ELMOD2: variants seen among roughly 807,000 people sequenced by gnomAD.
ELMOD2 encodes ELMO domain-containing protein 2.
ELMOD2 carries 28 observed loss-of-function variants against 41.0 expected under a neutral mutation model. The observed-to-expected ratio is 0.68, with a 90% CI of 0.51 to 0.94. ELMOD2 has a LOEUF of 0.94. ELMOD2 is among the 40% of genes least tolerant of loss of function. The pLI is 0.00. For missense variants in ELMOD2, 333 were observed against 343.1 expected (o/e 0.97, Z 0.23); for synonymous variants, 106 against 107.2 (o/e 0.99, Z 0.07).
At chr4:140,529,368 T>G (rs566631047) in intron 3 of ELMOD2, among the ~76,000 whole-genome samples, 1 of 152,338 alleles carries the variant, frequency 6.6e-6, no homozygotes, top group African/African-American at 2.4e-5. Context: ...AATGAATTGT[T>G]CTGTGAAATC....
intron 4 of ELMOD2, among the ~76,000 whole-genome samples, chr4:140,536,167 G>C (rs1464509174): frequency 6.6e-6 from 1 of 152,112 alleles, no homozygotes; most frequent in African/African-American, 2.4e-5. Context: ...GTCCTACCAG[G>C]CTCCTCCATT....
chr4:140,537,626 G>C, intron 5 of ELMOD2, 85 bp downstream of exon 5: 2 of 1,523,292 alleles, frequency 1.3e-6, no homozygotes, highest in Non-Finnish European at 1.8e-6. Context: ...GCAAATTCTA[G>C]AGGCTTATAT....
intron 3 of ELMOD2, among the ~76,000 whole-genome samples, chr4:140,531,520 C>T (rs528736350): frequency 1.3e-5 from 2 of 152,214 alleles, no homozygotes; most frequent in South Asian, 2.1e-4. Context: ...GGGAGGAATA[C>T]TTTGGCAATC....
chr4:140,540,608 C>G (rs1323774119), intron 6 of ELMOD2, among the ~76,000 whole-genome samples: 1 of 151,950 alleles, frequency 6.6e-6, no homozygotes, highest in African/African-American at 2.4e-5. Context: ...ATTAGCCAGG[C>G]ATGGTGGCAT....
rs756861957 is a variant in ELMOD2, at chr4:140,527,503, A to G, written c.171+9A>G. On this transcript the variant is annotated intron_variant, in intron 3 of 8. Coordinates refer to ENST00000323570, the MANE Select transcript of ELMOD2 (RefSeq NM_153702.4). ...CATACTCCAAGAATAAGGTAGGATA[A>G]CATAAAGGTGGTAACTCTAGAAAAC... 2.2e-5 allele frequency: 35 copies of G among 1,573,586 alleles called. No homozygotes were observed. Among genetic ancestry groups the G allele is most frequent in the Middle Eastern group, 3.4e-4 (2 of 5,928 alleles).
At chr4:140,533,845 T>C (rs1734826413) in intron 3 of ELMOD2, among the ~76,000 whole-genome samples, 1 of 151,854 alleles carries the variant, frequency 6.6e-6, no homozygotes, top group Admixed American at 6.6e-5. Flanking sequence ...TGTGTGTGTA[T>C]GTATACACAC....
At chr4:140,540,102 C>T in intron 5 of ELMOD2, 66 bp from the exon 6 acceptor site, 2 of 1,530,464 alleles carry the variant, frequency 1.3e-6, no homozygotes, top group Non-Finnish European at 8.8e-7. Flanking sequence ...TATTTGATAG[C>T]ATTAAATTAC....
intron 6 of ELMOD2, among the ~76,000 whole-genome samples, chr4:140,541,075 A>T (rs1276165256): frequency 6.6e-6 from 1 of 152,228 alleles, no homozygotes; most frequent in African/African-American, 2.4e-5. Flanking sequence ...GATTAGCTAC[A>T]TGTATCGAAA....
At chr4:140,546,669 A>G (rs1735297006) in intron 8 of ELMOD2, among the ~76,000 whole-genome samples, 1 of 151,952 alleles carries the variant, frequency 6.6e-6, no homozygotes, top group South Asian at 2.1e-4. Flanking sequence ...CCATATCTCA[A>G]TATATACAGG....
At position 140,548,252 on chromosome 4, in the gene ELMOD2, A is replaced by C. The variant is rs189725862; in HGVS notation, c.737-1978A>C. Among the ~76,000 whole-genome samples the C allele has an allele frequency of 3.9e-5, 6 of 152,316 alleles. No individual in the cohort carries two copies. In the East Asian group the frequency reaches 1.2e-3, roughly 29 times the overall value. On this transcript the variant is annotated intron_variant, in intron 8 of 8. Transcript: ENST00000323570. The stretch of plus-strand genomic sequence containing the variant: ...ATATACTGAAACAAATGGTATGGCC[A>C]TAAAATTTGGATAGCTATCTGCCTT...
chr4:140,538,827 A>G (rs951054426), intron 5 of ELMOD2, among the ~76,000 whole-genome samples: 1 of 152,210 alleles, frequency 6.6e-6, no homozygotes, highest in African/African-American at 2.4e-5. Context: ...GTACACTCCA[A>G]AGTTCCACCT....
intron 3 of ELMOD2, 104 bp from the exon 4 acceptor site, chr4:140,535,629 T>C: frequency 9.7e-7 from 1 of 1,027,898 alleles, no homozygotes; most frequent in Non-Finnish European, 1.4e-6. Flanking sequence ...GGGTTTATTT[T>C]GCATTTTTAA....
rs1735521615 is a variant in ELMOD2 at position 140,553,423 on chromosome 4, C to G, written c.*3048C>G. On this transcript the variant is annotated 3_prime_UTR_variant, in exon 9 of 9. Transcript: ENST00000323570. ...ATTTTCATATTTATACACCTCTCTA[C>G]AAAAGCAATTTTTAATGAAGGTTAG... 1 of 152,098 alleles carries G rather than the reference C, an allele frequency of 6.6e-6. No homozygotes were observed. The highest frequency in any genetic ancestry group is 2.4e-5 in the African/African-American group (1 of 41,440). The allele number at this position is 152,098 out of a possible 1,614,324, so 9.4% of individuals were successfully genotyped here. A position where few individuals can be genotyped will look rare whatever the true frequency, so the allele number is the denominator to read the frequency against.
chr4:140,535,862 A>G, intron 4 of ELMOD2, 32 bp downstream of exon 4: 1 of 1,570,026 alleles, frequency 6.4e-7, no homozygotes, highest in Non-Finnish European at 8.7e-7. Flanking sequence ...CTTTTTTATT[A>G]TGCATTTATA....
chr4:140,538,390 CTAAA>C (rs1358940687), intron 5 of ELMOD2, among the ~76,000 whole-genome samples: 1 of 152,062 alleles, frequency 6.6e-6, no homozygotes. Context: ...TTGATACTAT[CTAAA>C]TAACACTAAG....
Position 140,551,606 on chromosome 4 carries a change from G to A in ELMOD2, c.*1231G>A, listed in dbSNP as rs1325758046. 2 of 152,072 alleles carry A rather than the reference G, an allele frequency of 1.3e-5. No homozygotes were observed. The highest frequency in any genetic ancestry group is 2.9e-5 in the Non-Finnish European group (2 of 67,952). The allele number at this position is 152,072 out of a possible 1,614,324, so 9.4% of individuals were successfully genotyped here. A position where few individuals can be genotyped will look rare whatever the true frequency, so the allele number is the denominator to read the frequency against. On this transcript the variant is annotated 3_prime_UTR_variant, in exon 9 of 9. Coordinates refer to ENST00000323570, the MANE Select transcript of ELMOD2 (RefSeq NM_153702.4). The stretch of plus-strand genomic sequence containing the variant: ...GATAGCAAAACTAAAGTTTAAAGCA[G>A]CAAAGTTTAAGTTCTCCTTAAATCC...
chr4:140,533,260 A>G lies in ELMOD2; in HGVS notation c.172-2473A>G, dbSNP rs148300695. ...TAAAGAAATGGAAGGAACCTAGAAT[A>G]GCCCACGTAACCTTCTAAAAGGACC... On this transcript the variant is annotated intron_variant, in intron 3 of 8. Coordinates refer to ENST00000323570, the MANE Select transcript of ELMOD2 (RefSeq NM_153702.4). Among the ~76,000 whole-genome samples, 143 of 152,340 alleles carry G rather than the reference A, an allele frequency of 9.4e-4. 4 individuals are homozygous for G. The East Asian group carries it at 0.027, about 29-fold the overall frequency.
rs1421360962 is a variant in ELMOD2, at chr4:140,524,188, T to G, written c.-102T>G. ...TCCCTGACTTCCGGGTCGCGGTGCTTGAAGGGAGTGTTCCGTCGTTTCCGT... is the reference window on the plus strand; with the variant it reads ...TCCCTGACTTCCGGGTCGCGGTGCTGGAAGGGAGTGTTCCGTCGTTTCCGT... On this transcript the variant is annotated 5_prime_UTR_variant, in exon 1 of 9. Transcript: ENST00000323570. The G allele has an allele frequency of 1.3e-5, 2 of 152,258 alleles. No homozygotes were observed. Among genetic ancestry groups the G allele is most frequent in the Non-Finnish European group, 2.9e-5 (2 of 68,140 alleles). 9.4% of individuals were successfully genotyped at this position (152,258 alleles called of 1,614,324 possible). A position where few individuals can be genotyped will look rare whatever the true frequency, so the allele number is the denominator to read the frequency against.
At chr4:140,528,286 C>A (rs1357378179) in intron 3 of ELMOD2, among the ~76,000 whole-genome samples, 1 of 152,090 alleles carries the variant, frequency 6.6e-6, no homozygotes, top group Admixed American at 6.6e-5. Context: ...AGAATTGGGA[C>A]CAATAATTCA....
Sources: allele counts gnomAD v4.1 joint callset (sites outside exome capture counted in the v4.1 genomes callset), GRCh38; gene constraint gnomAD v4.1.1; transcripts MANE v1.5; gene names NCBI Gene and HGNC (gene_info 2026-07-23, HGNC 2026-07-21).